ROBO1: variants seen among roughly 807,000 people sequenced by gnomAD.
ROBO1 encodes the protein roundabout homolog 1.
Under a neutral mutation model 195.9 loss-of-function variants are expected in ROBO1, and 149 were observed. The observed-to-expected ratio is 0.76, with a 90% CI of 0.67 to 0.87. The LOEUF (loss-of-function observed/expected upper bound fraction) is 0.87. Among genes scored for constraint, ROBO1 ranks in the 40% least tolerant of loss-of-function variants. The pLI is 0.00. For synonymous variants in ROBO1, 816 were observed against 733.2 expected (o/e 1.11, Z -1.82); for missense variants, 1,933 against 2,068.3 (o/e 0.93, Z 1.27).
intron 2 of ROBO1, among the ~76,000 whole-genome samples, chr3:79,379,185 T>C (rs2036486945): frequency 6.6e-6 from 1 of 152,212 alleles, no homozygotes; most frequent in Admixed American, 6.5e-5. Context: ...TGAAAATGTA[T>C]TTCAAGACAA....
At chr3:79,185,958 T>G (rs1299448117) in intron 2 of ROBO1, among the ~76,000 whole-genome samples, 1 of 152,156 alleles carries the variant, frequency 6.6e-6, no homozygotes, top group Non-Finnish European at 1.5e-5. Flanking sequence ...CCAAGTTTCA[T>G]TAAACATTAC....
chr3:78,719,697 C>T (rs2081995596), intron 5 of ROBO1, among the ~76,000 whole-genome samples: 1 of 152,150 alleles, frequency 6.6e-6, no homozygotes, highest in Admixed American at 6.5e-5. Flanking sequence ...ACATACAATT[C>T]TAACATTTGG....
At chr3:79,082,006 C>A (rs1419387306) in intron 3 of ROBO1, among the ~76,000 whole-genome samples, 2 of 151,944 alleles carry the variant, frequency 1.3e-5, no homozygotes, top group Non-Finnish European at 2.9e-5. Context: ...GGTGAAATGG[C>A]AATATTATTT....
chr3:78,888,404 A>G (rs971254167), intron 4 of ROBO1, among the ~76,000 whole-genome samples: 3 of 152,194 alleles, frequency 2.0e-5, no homozygotes, highest in African/African-American at 7.2e-5. Context: ...CTATTGAGCT[A>G]CTACAACAAA....
intron 2 of ROBO1, among the ~76,000 whole-genome samples, chr3:79,246,038 G>T (rs182635634): frequency 1.3e-5 from 2 of 152,076 alleles, no homozygotes; most frequent in Admixed American, 1.3e-4. Context: ...TGTCTCTCTG[G>T]TACCAGATAT....
chr3:78,950,442 A>T (rs998054621), intron 3 of ROBO1, among the ~76,000 whole-genome samples: 2 of 144,472 alleles, frequency 1.4e-5, no homozygotes, highest in Non-Finnish European at 3.0e-5. Context: ...GTTCTCACTC[A>T]TAGGTGGGAA....
chr3:78,835,574 A>G (rs1843786), intron 4 of ROBO1, among the ~76,000 whole-genome samples: 50,017 of 152,056 alleles, frequency 0.33, 8,929 homozygotes, highest in South Asian at 0.46. Context: ...TGCATTACAA[A>G]ATAGTAATTT....
At chr3:79,497,006 A>G (rs1650541993) in intron 2 of ROBO1, among the ~76,000 whole-genome samples, 1 of 152,206 alleles carries the variant, frequency 6.6e-6, no homozygotes, top group African/African-American at 2.4e-5. Flanking sequence ...TCTCTCTAAC[A>G]TCGCTGTCTC....
intron 2 of ROBO1, among the ~76,000 whole-genome samples, chr3:79,577,281 A>C (rs1040631772): frequency 3.3e-5 from 5 of 152,172 alleles, no homozygotes; most frequent in African/African-American, 1.2e-4. Context: ...AGACATTACA[A>C]GGGGGCTTTT....
chr3:79,301,556 G>C (rs2032957713), intron 2 of ROBO1, among the ~76,000 whole-genome samples: 1 of 152,132 alleles, frequency 6.6e-6, no homozygotes, highest in African/African-American at 2.4e-5. Context: ...GAGTCTTATT[G>C]TGTGAGTTGA....
At chr3:79,720,713 T>C (rs1296535330) in intron 1 of ROBO1, among the ~76,000 whole-genome samples, 1 of 152,122 alleles carries the variant, frequency 6.6e-6, no homozygotes, top group African/African-American at 2.4e-5. Context: ...GTGAGATTTC[T>C]ATGGATTCTA....
At chr3:79,240,279 A>T (rs2082488179) in intron 2 of ROBO1, among the ~76,000 whole-genome samples, 1 of 152,176 alleles carries the variant, frequency 6.6e-6, no homozygotes, top group African/African-American at 2.4e-5. Flanking sequence ...CTCTAGGTTC[A>T]CCTACGTTGT....
chr3:79,695,506 C>T lies in ROBO1; in HGVS notation c.-51+72246G>A, dbSNP rs558880735. 6.2e-4 allele frequency among the ~76,000 whole-genome samples: 94 copies of T among 151,522 alleles called. 2 individuals carry two copies. In the East Asian group the frequency reaches 0.016, roughly 26 times the overall value. On this transcript the variant is annotated intron_variant, in intron 1 of 30. Coordinates refer to ENST00000464233, the MANE Select transcript of ROBO1 (RefSeq NM_002941.4). ...TCATTGAGACTGTGGTGCTTTTTCT[C>T]TCTTCTTTCCTTTACTTGATTAAAA...
intron 1 of ROBO1, among the ~76,000 whole-genome samples, chr3:79,749,721 T>G (rs1704045775): frequency 6.6e-6 from 1 of 152,196 alleles, no homozygotes; most frequent in South Asian, 2.1e-4. Flanking sequence ...GTGTTGAACC[T>G]ACAAGTGCAC....
At chr3:78,774,205 A>G (rs1037011973) in intron 4 of ROBO1, among the ~76,000 whole-genome samples, 1 of 152,212 alleles carries the variant, frequency 6.6e-6, no homozygotes, top group African/African-American at 2.4e-5. Context: ...TAATTGTACA[A>G]TTTAAATTTT....
intron 1 of ROBO1, among the ~76,000 whole-genome samples, chr3:79,743,317 G>A (rs948127682): frequency 6.6e-6 from 1 of 152,132 alleles, no homozygotes; most frequent in Non-Finnish European, 1.5e-5. Context: ...TGGTATTTGT[G>A]TATATAAACA....
Position 79,198,848 on chromosome 3 carries a change from T to G in ROBO1, c.89-73309A>C, listed in dbSNP as rs533205833. 1.5e-4 allele frequency among the ~76,000 whole-genome samples: 23 copies of G among 152,126 alleles called. No homozygotes were observed. In the South Asian group the frequency reaches 3.5e-3, roughly 23 times the overall value. On this transcript the variant is annotated intron_variant, in intron 2 of 30. Transcript: ENST00000464233. The stretch of plus-strand genomic sequence containing the variant: ...GATTTGGCTCTCTGTTATTGGTGTA[T>G]AGGAATGCTTGTGATTTTTGCACAT...
intron 22 of ROBO1, among the ~76,000 whole-genome samples, chr3:78,636,935 T>TTATATATATATATATATATATATATTTA (rs1705540955): frequency 1.0e-5 from 1 of 96,704 alleles, no homozygotes; most frequent in African/African-American, 3.6e-5. Context: ...TACATTCATT[T>TTATATATATATATATATATATATATTTA]TATATATATA....
intron 2 of ROBO1, among the ~76,000 whole-genome samples, chr3:79,489,026 CAATTT>C (rs1301346266): frequency 1.3e-5 from 2 of 151,646 alleles, no homozygotes; most frequent in African/African-American, 2.4e-5. Context: ...ACTTAATATT[CAATTT>C]AGATGGGTCA....
Sources: gnomAD v4.1 joint callset for allele counts (sites outside exome capture counted in the v4.1 genomes callset) on GRCh38, gnomAD v4.1.1 for gene constraint, MANE v1.5 for transcripts, NCBI Gene and HGNC (gene_info 2026-07-23, HGNC 2026-07-21) for gene names.